NTRK2: variants seen among roughly 807,000 people sequenced by gnomAD.
The protein encoded by NTRK2 is BDNF/NT-3 growth factors receptor.
A neutral mutation model predicts 94.5 loss-of-function variants in NTRK2; 13 were observed. That is an observed-to-expected ratio of 0.14 (90% CI 0.09 to 0.22). NTRK2 has a LOEUF of 0.22. Among genes scored for constraint, NTRK2 ranks in the 10% least tolerant of loss-of-function variants. The probability of loss-of-function intolerance (pLI) is 1.00; values close to 1 mark genes in which losing one functional copy is unlikely to be tolerated. For synonymous variants in NTRK2, 372 were observed against 407.4 expected (o/e 0.91, Z 1.05); for missense variants, 639 against 1,071.2 (o/e 0.60, Z 5.63).
chr9:84,713,679 T>TTA (rs1319384731), intron 6 of NTRK2, among the ~76,000 whole-genome samples: 1 of 152,168 alleles, frequency 6.6e-6, no homozygotes, highest in Non-Finnish European at 1.5e-5. Context: ...GAGTAAAAAA[T>TTA]TATAGGCTCA....
chr9:85,016,860 A>G (rs1832284203), intron 17 of NTRK2, among the ~76,000 whole-genome samples: 1 of 152,206 alleles, frequency 6.6e-6, no homozygotes, highest in Admixed American at 6.5e-5. Flanking sequence ...GTGAAATCCC[A>G]GAAGGGATTC....
At chr9:84,802,048 C>T (rs533043481) in intron 12 of NTRK2, among the ~76,000 whole-genome samples, 104 of 152,266 alleles carry the variant, frequency 6.8e-4, no homozygotes, top group African/African-American at 2.3e-3. Flanking sequence ...TGAAGTAGAT[C>T]GCCTTTTCCT....
intron 17 of NTRK2, among the ~76,000 whole-genome samples, chr9:84,995,524 G>T (rs17088001): frequency 0.047 from 7,203 of 152,170 alleles, 437 homozygotes; most frequent in African/African-American, 0.14. Flanking sequence ...GGGTGATAAT[G>T]TCTGCACATT....
intron 12 of NTRK2, among the ~76,000 whole-genome samples, chr9:84,830,374 C>T (rs919359280): frequency 2.6e-5 from 4 of 152,274 alleles, no homozygotes; most frequent in African/African-American, 9.6e-5. Context: ...AATATTAGCA[C>T]CACTGGTTAG....
intron 13 of NTRK2, 46 bp downstream of exon 13, chr9:84,861,133 G>T (rs760886559): frequency 1.6e-5 from 22 of 1,412,824 alleles, no homozygotes; most frequent in Non-Finnish European, 1.9e-5. Flanking sequence ...ATGAGTCTAT[G>T]TTTTTATTCG....
intron 12 of NTRK2, among the ~76,000 whole-genome samples, chr9:84,767,285 T>G (rs1325202942): frequency 6.6e-6 from 1 of 152,204 alleles, no homozygotes; most frequent in African/African-American, 2.4e-5. Context: ...AAAGACATTG[T>G]GAGAATTTTA....
chr9:84,966,951 C>A (rs1825625779), intron 17 of NTRK2, among the ~76,000 whole-genome samples: 1 of 152,320 alleles, frequency 6.6e-6, no homozygotes, highest in South Asian at 2.1e-4. Context: ...ATTTTTAGGA[C>A]TTCTGATGGG....
intron 17 of NTRK2, among the ~76,000 whole-genome samples, chr9:84,976,392 A>G (rs79784435): frequency 0.02 from 3,082 of 152,286 alleles, 33 homozygotes; most frequent in Non-Finnish European, 0.027. Flanking sequence ...TTACCTCCTT[A>G]AAAGCCCTGC....
chr9:84,852,269 A>G (rs901418083), intron 12 of NTRK2, among the ~76,000 whole-genome samples: 3 of 152,240 alleles, frequency 2.0e-5, no homozygotes, highest in Admixed American at 6.5e-5. Context: ...GCTAACCAGC[A>G]TGGCTTTGCA....
At chr9:84,823,284 C>T (rs112151991) in intron 12 of NTRK2, among the ~76,000 whole-genome samples, 5,005 of 152,204 alleles carry the variant, frequency 0.033, 148 homozygotes, top group Admixed American at 0.084. Context: ...TTTTGTGTTC[C>T]CCATCAAACA....
intron 6 of NTRK2, among the ~76,000 whole-genome samples, chr9:84,714,001 A>G (rs1256654813): frequency 6.6e-6 from 1 of 150,652 alleles, no homozygotes; most frequent in African/African-American, 2.5e-5. Flanking sequence ...CTTTCCATTT[A>G]TTCTTTCATT....
At chr9:84,962,979 A>C (rs1825131553) in intron 17 of NTRK2, among the ~76,000 whole-genome samples, 1 of 152,232 alleles carries the variant, frequency 6.6e-6, no homozygotes. Context: ...GGAAGTTCAG[A>C]AGCGGGCAAT....
chr9:84,894,643 A>G (rs545177446), intron 14 of NTRK2, among the ~76,000 whole-genome samples: 2 of 152,336 alleles, frequency 1.3e-5, no homozygotes, highest in South Asian at 2.1e-4. Flanking sequence ...ATTATTATCC[A>G]AGCAATAGTT....
intron 2 of NTRK2, among the ~76,000 whole-genome samples, chr9:84,690,129 A>C (rs1013785671): frequency 2.0e-5 from 3 of 152,196 alleles, no homozygotes; most frequent in Non-Finnish European, 4.4e-5. Context: ...TAAAATGGGA[A>C]GTGTCCCTGA....
intron 14 of NTRK2, among the ~76,000 whole-genome samples, chr9:84,915,287 C>G (rs935121192): frequency 1.3e-5 from 2 of 152,174 alleles, no homozygotes. Context: ...CCCACCAAGT[C>G]TCCTATTAAA....
At chr9:84,692,638 T>G (rs2060124097) in intron 2 of NTRK2, among the ~76,000 whole-genome samples, 1 of 152,044 alleles carries the variant, frequency 6.6e-6, no homozygotes, top group Non-Finnish European at 1.5e-5. Flanking sequence ...TGGCTAATTT[T>G]GTATTTTTAG....
intron 6 of NTRK2, among the ~76,000 whole-genome samples, chr9:84,714,899 A>G (rs1338534893): frequency 6.6e-6 from 1 of 152,186 alleles, no homozygotes; most frequent in Non-Finnish European, 1.5e-5. Flanking sequence ...TTGTAAACCA[A>G]CAATTTGCCA....
intron 12 of NTRK2, among the ~76,000 whole-genome samples, chr9:84,827,335 C>A (rs2073252334): frequency 6.6e-6 from 1 of 152,194 alleles, no homozygotes; most frequent in South Asian, 2.1e-4. Context: ...ATGCATTTAA[C>A]CCTTCTCCTT....
intron 12 of NTRK2, among the ~76,000 whole-genome samples, chr9:84,800,589 C>G (rs980200969): frequency 6.6e-6 from 1 of 152,178 alleles, no homozygotes; most frequent in Non-Finnish European, 1.5e-5. Context: ...AGAGGCAAAC[C>G]CCTTTTGCAA....
Sources: gnomAD v4.1 joint callset for allele counts (sites outside exome capture counted in the v4.1 genomes callset) on GRCh38, gnomAD v4.1.1 for gene constraint, MANE v1.5 for transcripts, NCBI Gene and HGNC (gene_info 2026-07-23, HGNC 2026-07-21) for gene names.